SNAP25: variants seen among roughly 807,000 people sequenced by gnomAD.
The protein encoded by SNAP25 is synaptosomal-associated protein 25.
Under a neutral mutation model 28.7 loss-of-function variants are expected in SNAP25, and 3 were observed. The observed-to-expected ratio is 0.10, with a 90% confidence interval of 0.05 to 0.27. The LOEUF is 0.27. Among genes scored for constraint, SNAP25 ranks in the 10% least tolerant of loss-of-function variants. The probability of loss-of-function intolerance (pLI) is 1.00; values close to 1 mark genes in which losing one functional copy is unlikely to be tolerated. For synonymous variants in SNAP25, 61 were observed against 88.1 expected (o/e 0.69, Z 1.72); for missense variants, 117 against 278.7 (o/e 0.42, Z 4.13).
At chr20:10,246,273 G>A (rs2063125445) in intron 1 of SNAP25, among the ~76,000 whole-genome samples, 1 of 152,196 alleles carries the variant, frequency 6.6e-6, no homozygotes, top group African/African-American at 2.4e-5. Context: ...GCACGTGCGT[G>A]CATTCGTGTG....
At chr20:10,300,750 G>A in intron 7 of SNAP25, among the ~76,000 whole-genome samples, 1 of 152,092 alleles carries the variant, frequency 6.6e-6, no homozygotes, top group Admixed American at 6.6e-5. Flanking sequence ...CTTTAGTGTT[G>A]GTTGGCAAAA....
intron 6 of SNAP25, among the ~76,000 whole-genome samples, chr20:10,298,244 A>G (rs1318878693): frequency 6.6e-6 from 1 of 152,214 alleles, no homozygotes; most frequent in East Asian, 1.9e-4. Context: ...GCCAAGCACC[A>G]TTGAACTAGA....
intron 1 of SNAP25, among the ~76,000 whole-genome samples, chr20:10,240,861 T>G (rs1018526594): frequency 2.0e-5 from 3 of 152,136 alleles, no homozygotes; most frequent in African/African-American, 7.2e-5. Flanking sequence ...CTCTGGAGCA[T>G]TCAGTCTTTC....
At chr20:10,243,024 A>T (rs779051761) in intron 1 of SNAP25, among the ~76,000 whole-genome samples, 20 of 152,306 alleles carry the variant, frequency 1.3e-4, no homozygotes, top group Non-Finnish European at 2.4e-4. Context: ...GGGCCGCCTA[A>T]CAGCTGCTTC....
chr20:10,234,552 T>C (rs185193685), intron 1 of SNAP25, among the ~76,000 whole-genome samples: 46 of 152,342 alleles, frequency 3.0e-4, no homozygotes, highest in African/African-American at 1.1e-3. Flanking sequence ...TTCATTATTC[T>C]CCCAGCCCTA....
intron 1 of SNAP25, among the ~76,000 whole-genome samples, chr20:10,233,695 C>T (rs1430179220): frequency 1.3e-5 from 2 of 152,182 alleles, no homozygotes; most frequent in Non-Finnish European, 1.5e-5. Context: ...TGTTAGGCTG[C>T]AAGATTGTGC....
At chr20:10,252,315 G>A (rs530046053) in intron 1 of SNAP25, among the ~76,000 whole-genome samples, 3 of 152,280 alleles carry the variant, frequency 2.0e-5, no homozygotes, top group African/African-American at 4.8e-5. Context: ...AGGAAAGGGA[G>A]GTTAAAAAAA....
At chr20:10,263,231 G>A (rs1028363074) in intron 1 of SNAP25, among the ~76,000 whole-genome samples, 3 of 151,828 alleles carry the variant, frequency 2.0e-5, no homozygotes, top group Non-Finnish European at 4.4e-5. Flanking sequence ...GGCTTAGCCA[G>A]GATGGTCTCG....
At chr20:10,240,379 G>T (rs536630858) in intron 1 of SNAP25, among the ~76,000 whole-genome samples, 1 of 152,254 alleles carries the variant, frequency 6.6e-6, no homozygotes, top group Admixed American at 6.5e-5. Flanking sequence ...CAAGTGATTG[G>T]GAGCCTTAAT....
At chr20:10,305,255 A>G (rs2064327309) in intron 7 of SNAP25, among the ~76,000 whole-genome samples, 1 of 152,168 alleles carries the variant, frequency 6.6e-6, no homozygotes, top group African/African-American at 2.4e-5. Flanking sequence ...TTGAAAAAAA[A>G]TCCTGGCCAG....
chr20:10,261,854 A>G (rs969435608), intron 1 of SNAP25, among the ~76,000 whole-genome samples: 4 of 152,174 alleles, frequency 2.6e-5, no homozygotes, highest in African/African-American at 9.6e-5. Context: ...AGTTGTCTTC[A>G]CCATAAGTAC....
chr20:10,306,504 C>A lies in SNAP25; in HGVS notation c.*307C>A. On this transcript the variant is annotated 3_prime_UTR_variant, in exon 8 of 8. Transcript: ENST00000254976. Reference sequence around the variant, plus strand: ...GCTGAATAACAACAATTTAGGAATGCTCAATGTGCTGTTGATTCTTTCAAT... The same window carrying A: ...GCTGAATAACAACAATTTAGGAATGATCAATGTGCTGTTGATTCTTTCAAT... The A allele has an allele frequency of 3.9e-6, 1 of 258,008 alleles. No homozygotes were observed. The highest frequency in any genetic ancestry group is 7.4e-6 in the Non-Finnish European group (1 of 134,732). 16.0% of individuals were successfully genotyped at this position (258,008 alleles called of 1,614,324 possible).
At chr20:10,299,159 A>C in intron 6 of SNAP25, 109 bp from the exon 7 acceptor site, 3 of 1,216,736 alleles carry the variant, frequency 2.5e-6, no homozygotes, top group Non-Finnish European at 3.4e-6. Context: ...GATTAAAGAT[A>C]GATAAAGTTG....
chr20:10,251,087 A>G (rs2063217908), intron 1 of SNAP25, among the ~76,000 whole-genome samples: 3 of 152,232 alleles, frequency 2.0e-5, no homozygotes, highest in Admixed American at 2.0e-4. Flanking sequence ...TCCCAGCACC[A>G]TGTCAAACAA....
At chr20:10,267,090 A>T (rs925806353) in intron 1 of SNAP25, among the ~76,000 whole-genome samples, 3 of 152,186 alleles carry the variant, frequency 2.0e-5, no homozygotes, top group Non-Finnish European at 2.9e-5. Flanking sequence ...ATTAGAGATC[A>T]CAAAAAAACC....
At chr20:10,238,905 A>AAATAATAATAATAAT (rs199598399) in intron 1 of SNAP25, among the ~76,000 whole-genome samples, 8,531 of 149,240 alleles carry the variant, frequency 0.057, 297 homozygotes, top group African/African-American at 0.096. Context: ...ACTCCGTTTC[A>AAATAATAATAATAAT]AATAATAATA....
chr20:10,247,945 C>T (rs1440680357), intron 1 of SNAP25, among the ~76,000 whole-genome samples: 5 of 152,224 alleles, frequency 3.3e-5, no homozygotes, highest in African/African-American at 1.2e-4. Flanking sequence ...GTTGCTGGAT[C>T]AGCTGGAGGG....
At chr20:10,275,749 A>T (rs1049977158) in intron 2 of SNAP25, among the ~76,000 whole-genome samples, 186 bp downstream of exon 2, 2 of 152,244 alleles carry the variant, frequency 1.3e-5, no homozygotes, top group Non-Finnish European at 2.9e-5. Context: ...TAGAAGCTGC[A>T]TACAAATTAC....
rs569726343 is a variant in SNAP25 at position 10,301,882 on chromosome 20, T to C, written c.552+2470T>C. On this transcript the variant is annotated intron_variant, in intron 7 of 7. Coordinates refer to ENST00000254976, the MANE Select transcript of SNAP25 (RefSeq NM_130811.4). ...ACTATATATATTATATAATATATAA[T>C]ATATATATTATATGTATATGGTTAT... Among the ~76,000 whole-genome samples, 670 of 143,920 alleles carry C rather than the reference T, an allele frequency of 4.7e-3. 5 individuals are homozygous for C. The highest frequency in any genetic ancestry group is 8.0e-3 in the Non-Finnish European group (537 of 66,762). The allele number at this position is 143,920 out of a possible 152,430, so 94.4% of individuals were successfully genotyped here. A position where few individuals can be genotyped will look rare whatever the true frequency, so the allele number is the denominator to read the frequency against.
Sources: allele counts gnomAD v4.1 joint callset (sites outside exome capture counted in the v4.1 genomes callset), GRCh38; gene constraint gnomAD v4.1.1; transcripts MANE v1.5; gene names NCBI Gene and HGNC (gene_info 2026-07-23, HGNC 2026-07-21).